The following SRGAP3 variants were observed in gnomAD, a reference collection of about 807,000 sequenced individuals.
The protein encoded by SRGAP3 is SLIT-ROBO Rho GTPase activating protein 3.
In SRGAP3, 39 loss-of-function variants were observed where a neutral mutation model predicts 121.1. The observed-to-expected ratio is 0.32, with a 90% confidence interval of 0.25 to 0.42. The LOEUF (loss-of-function observed/expected upper bound fraction) is 0.42. Among genes scored for constraint, SRGAP3 ranks in the 10% least tolerant of loss-of-function variants. SRGAP3 has a pLI of 1.00. For synonymous variants in SRGAP3, 601 were observed against 570.0 expected, an observed-to-expected ratio of 1.05 and a Z score of -0.77; for missense variants, 1,213 against 1,470.6, an observed-to-expected ratio of 0.82 and a Z score of 2.86.
intron 1 of SRGAP3, among the ~76,000 whole-genome samples, chr3:9,214,157 C>A (rs1952540597): frequency 6.6e-6 from 1 of 151,836 alleles, no homozygotes; most frequent in African/African-American, 2.4e-5. Context: ...CACACACACA[C>A]AAGAATATAA....
chr3:9,104,043 GAAATA>G (rs1948318786), intron 3 of SRGAP3, among the ~76,000 whole-genome samples: 3 of 152,142 alleles, frequency 2.0e-5, no homozygotes, highest in African/African-American at 4.8e-5. Context: ...TAAAATAACA[GAAATA>G]AACTAAGTGC....
intron 1 of SRGAP3, among the ~76,000 whole-genome samples, chr3:9,156,850 C>A (rs1248726425): frequency 6.6e-6 from 1 of 152,158 alleles, no homozygotes; most frequent in Non-Finnish European, 1.5e-5. Context: ...TGTATTTCAA[C>A]AGACAGGAGG....
chr3:9,073,500 T>C (rs1265031298), intron 4 of SRGAP3, among the ~76,000 whole-genome samples: 1 of 152,202 alleles, frequency 6.6e-6, no homozygotes, highest in Non-Finnish European at 1.5e-5. Flanking sequence ...ATCACTAGTG[T>C]AGGGGAGCGC....
intron 1 of SRGAP3, among the ~76,000 whole-genome samples, chr3:9,353,157 C>T (rs1248309426): frequency 6.6e-6 from 1 of 152,214 alleles, no homozygotes; most frequent in African/African-American, 2.4e-5. Flanking sequence ...CCCCTTTGTG[C>T]AGGAGACCTG....
In SRGAP3 at chr3:9,143,780, T is replaced by G. The variant is rs1168330298; in HGVS notation, c.68-18863A>C. 4.6e-5 allele frequency among the ~76,000 whole-genome samples: 7 copies of G among 152,062 alleles called. No homozygotes were observed. The East Asian group carries it at 1.4e-3, about 29-fold the overall frequency. On this transcript the variant is annotated intron_variant, in intron 1 of 21. Coordinates refer to ENST00000383836, the MANE Select transcript of SRGAP3 (RefSeq NM_014850.4). ...GTTACCCCCATTCCCACGGTGAAAC[T>G]CCACCACTGCCCCAGTTTTCCCTGA...
At chr3:9,023,193 C>T (rs1944012683) in intron 14 of SRGAP3, among the ~76,000 whole-genome samples, 1 of 152,050 alleles carries the variant, frequency 6.6e-6, no homozygotes, top group Non-Finnish European at 1.5e-5. Context: ...ACAAGGCATT[C>T]TGTATAATGG....
At chr3:9,264,687 G>A (rs1954320148) in intron 3 of SRGAP3, among the ~76,000 whole-genome samples, 1 of 151,758 alleles carries the variant, frequency 6.6e-6, no homozygotes, top group Admixed American at 6.6e-5. Flanking sequence ...CCTCTTCAAG[G>A]AGAACTACAG....
chr3:9,022,581 A>G (rs1286395289), intron 14 of SRGAP3, among the ~76,000 whole-genome samples: 1 of 152,218 alleles, frequency 6.6e-6, no homozygotes, highest in Non-Finnish European at 1.5e-5. Context: ...AGTGTCAGCC[A>G]GGTTAGGAGC....
intron 4 of SRGAP3, among the ~76,000 whole-genome samples, chr3:9,067,772 G>T (rs773984188): frequency 1.3e-5 from 2 of 151,966 alleles, no homozygotes; most frequent in Non-Finnish European, 2.9e-5. Flanking sequence ...ACAAACCTGC[G>T]TGTCCTGCAC....
intron 2 of SRGAP3, among the ~76,000 whole-genome samples, chr3:9,116,068 T>C (rs533213048): frequency 1.3e-5 from 2 of 152,340 alleles, no homozygotes; most frequent in East Asian, 3.9e-4. Context: ...TCCTGTGTTA[T>C]CAAGAATCCC....
intron 1 of SRGAP3, among the ~76,000 whole-genome samples, chr3:9,167,008 A>G (rs895432673): frequency 2.6e-5 from 4 of 152,042 alleles, no homozygotes; most frequent in African/African-American, 9.7e-5. Context: ...CTCTGTTTCT[A>G]CCTGACTCAA....
rs374975858 is a variant in SRGAP3 at position 9,064,458 on chromosome 3, G to A, written c.610C>T (p.Arg204Trp). ...KSGDLSMNLL[R>W]HEDRPQRRSS... ...CGGCGCTGGGGCCGGTCCTCGTGCC[G>A]GAGCAGGTTCATGCTGAGGTCTCCT... The change falls in exon 5 of 22, where the codon CGG becomes TGG. Residue 204 changes from arginine (R) to tryptophan (W), a missense_variant. Arg to Trp is a moderately radical substitution (Grantham distance 101, BLOSUM62 -3). Around this residue, in one of 2 missense-constraint regions of SRGAP3, gnomAD observed 793 missense variants for 1,032.9 expected, o/e 0.77. Coordinates refer to ENST00000383836, the MANE Select transcript of SRGAP3 (RefSeq NM_014850.4). 1.4e-5 allele frequency: 22 copies of A among 1,614,108 alleles called. No homozygotes were observed. The highest frequency in any genetic ancestry group is 1.6e-4 in the Middle Eastern group (1 of 6,084).
At chr3:8,994,675 C>A in intron 18 of SRGAP3, 152 bp from the exon 19 acceptor site, 1 of 955,466 alleles carries the variant, frequency 1.0e-6, no homozygotes, top group Non-Finnish European at 1.6e-6. Context: ...GGGCTCAGGA[C>A]CCTGGGGTCC....
intron 1 of SRGAP3, among the ~76,000 whole-genome samples, chr3:9,199,351 G>A (rs556301876): frequency 1.0e-3 from 159 of 152,278 alleles, no homozygotes; most frequent in Non-Finnish European, 1.8e-3. Context: ...TGGAGGGTTC[G>A]GTTTTGTTTT....
intron 2 of SRGAP3, among the ~76,000 whole-genome samples, chr3:9,117,054 T>G (rs1343583573): frequency 6.6e-6 from 1 of 152,154 alleles, no homozygotes; most frequent in African/African-American, 2.4e-5. Flanking sequence ...TGGCACACGG[T>G]GCTGAGAGAA....
intron 3 of SRGAP3, among the ~76,000 whole-genome samples, chr3:9,306,735 G>T (rs552066370): frequency 2.0e-5 from 3 of 152,222 alleles, no homozygotes; most frequent in African/African-American, 4.8e-5. Flanking sequence ...TAGATGTGTG[G>T]TGCTATTTCT....
intron 1 of SRGAP3, chr3:9,193,028 T>C (rs1026402418): frequency 6.6e-6 from 1 of 152,240 alleles, no homozygotes; most frequent in African/African-American, 2.4e-5. Flanking sequence ...TAGTGGGCAG[T>C]GGCCACGGCA....
intron 1 of SRGAP3, among the ~76,000 whole-genome samples, chr3:9,219,765 G>A (rs1365991329): frequency 1.3e-5 from 2 of 152,048 alleles, no homozygotes; most frequent in East Asian, 1.9e-4. Context: ...GCAGGAGAAT[G>A]GTGTGAACCC....
In SRGAP3 at chr3:9,218,177, C is replaced by T. The variant is rs966829863; in HGVS notation, c.67+30708G>A. 12 of 152,180 alleles carry T rather than the reference C, an allele frequency of 7.9e-5. No homozygotes were observed. Among genetic ancestry groups the T allele is most frequent in the African/African-American group, 2.9e-4 (12 of 41,430 alleles). The allele number at this position is 152,180 out of a possible 1,614,324, so 9.4% of individuals were successfully genotyped here. A position where few individuals can be genotyped will look rare whatever the true frequency, so the allele number is the denominator to read the frequency against. On this transcript the variant is annotated intron_variant, in intron 1 of 21. Coordinates refer to ENST00000383836, the MANE Select transcript of SRGAP3 (RefSeq NM_014850.4). This position sits in a 1 kb window ranked among gnomAD's most constrained non-coding sequence, Gnocchi z 5.3. ...AGACTGCAGATCCAAAAATGGTCCT[C>T]CTCTATTTGGGAAGATATTGCAGGA...
Sources: gnomAD v4.1 joint callset for allele counts (sites outside exome capture counted in the v4.1 genomes callset) on GRCh38, gnomAD v4.1.1 for gene constraint, gnomAD v4.1.1 regional missense constraint, Gnocchi (gnomAD v3.1) non-coding constraint, MANE v1.5 for transcripts, NCBI Gene and HGNC (gene_info 2026-07-23, HGNC 2026-07-21) for gene names.